The following ZBBX variants were observed in gnomAD, a reference collection of about 807,000 sequenced individuals.
ZBBX encodes the protein zinc finger B-box domain containing.
Under a neutral mutation model 108.5 loss-of-function variants are expected in ZBBX, and 101 were observed. The ratio of observed to expected loss-of-function variants is 0.93; its 90% CI spans 0.79 to 1.10. ZBBX has a LOEUF of 1.10. ZBBX is among the 50% of genes least tolerant of loss of function. The pLI is 0.00. For missense variants in ZBBX, 1,009 were observed against 941.4 expected, an observed-to-expected ratio of 1.07 and a Z score of -0.94; for synonymous variants, 356 against 323.4, an observed-to-expected ratio of 1.10 and a Z score of -1.08.
At chr3:167,397,032 T>C (rs191807041) in intron 1 of ZBBX, among the ~76,000 whole-genome samples, 199 of 151,208 alleles carry the variant, frequency 1.3e-3, no homozygotes, top group African/African-American at 4.7e-3. Flanking sequence ...CTCATTTTTT[T>C]CCCTTTTTTA....
In ZBBX at chr3:167,294,632, T is replaced by C. The variant is rs11132484; in HGVS notation, c.1879+3673A>G. 8.1e-4 allele frequency among the ~76,000 whole-genome samples: 124 copies of C among 152,254 alleles called. 1 individual carries two copies. The highest frequency in any genetic ancestry group is 2.8e-3 in the African/African-American group (118 of 41,546). On this transcript the variant is annotated intron_variant, in intron 18 of 21. Transcript: ENST00000675490. ...GGCAATACCATTCAGGACATAGGCA[T>C]GGGCAAAGGCTTCATGACTAAAACA...
At chr3:167,354,160 G>GT (rs918625786) in intron 8 of ZBBX, among the ~76,000 whole-genome samples, 7 of 151,464 alleles carry the variant, frequency 4.6e-5, no homozygotes, top group African/African-American at 1.5e-4. Context: ...AATATCTTGT[G>GT]TTTTTTTTAA....
chr3:167,246,473 T>C (rs2108331730), intron 20 of ZBBX, among the ~76,000 whole-genome samples: 1 of 152,336 alleles, frequency 6.6e-6, no homozygotes, highest in Middle Eastern at 3.4e-3. Context: ...CAGTATGGCC[T>C]ATTGTCTAGT....
At chr3:167,296,195 C>T in intron 18 of ZBBX, among the ~76,000 whole-genome samples, 1 of 151,794 alleles carries the variant, frequency 6.6e-6, no homozygotes. Flanking sequence ...TTGACAAAAT[C>T]CAACACACTT....
rs1720478659 is a variant in ZBBX, at chr3:167,240,414, A to G, written c.*379T>C. The G allele has an allele frequency of 6.4e-6, 1 of 156,146 alleles. No individual in the cohort carries two copies. The highest frequency in any genetic ancestry group is 1.4e-5 in the Non-Finnish European group (1 of 70,654). The allele number at this position is 156,146 out of a possible 1,614,324, so 9.7% of individuals were successfully genotyped here. A position where few individuals can be genotyped will look rare whatever the true frequency, so the allele number is the denominator to read the frequency against. ...TCAATTGATGATACTAACTAGTGTG[A>G]CTTGGCTGTCAAATGCACACTCTTG... is the stretch of plus-strand genomic sequence containing the variant. On this transcript the variant is annotated 3_prime_UTR_variant, in exon 22 of 22. Transcript: ENST00000675490.
At chr3:167,213,763 T>C in the ZBBX span, among the ~76,000 whole-genome samples, 1 of 152,100 alleles carries the variant, frequency 6.6e-6, no homozygotes, top group African/African-American at 2.4e-5. Context: ...TGAAAGAATG[T>C]TATAAAGGCA....
chr3:167,272,796 T>A (rs536272775), intron 20 of ZBBX, among the ~76,000 whole-genome samples: 4 of 152,168 alleles, frequency 2.6e-5, no homozygotes, highest in African/African-American at 4.8e-5. Flanking sequence ...CCTTAACAAA[T>A]GTAGGAAAAC....
intron 18 of ZBBX, among the ~76,000 whole-genome samples, chr3:167,291,374 C>T: frequency 6.6e-6 from 1 of 151,978 alleles, no homozygotes; most frequent in East Asian, 1.9e-4. Context: ...AGATACCCTA[C>T]AAGCAGAAGA....
chr3:167,260,769 G>A (rs573618616), intron 20 of ZBBX, among the ~76,000 whole-genome samples: 28 of 152,216 alleles, frequency 1.8e-4, no homozygotes, highest in African/African-American at 5.5e-4. Flanking sequence ...ATTAGGCTTC[G>A]CATTTCTCTG....
chr3:167,333,762 A>T (rs1464794811), intron 10 of ZBBX, 65 bp downstream of exon 10: 21 of 1,354,398 alleles, frequency 1.6e-5, no homozygotes. Flanking sequence ...CAAGTTAAGT[A>T]CATGAATGGC....
chr3:167,369,932 G>C (rs1366181044), intron 4 of ZBBX, among the ~76,000 whole-genome samples: 1 of 152,218 alleles, frequency 6.6e-6, no homozygotes, highest in African/African-American at 2.4e-5. Context: ...TCTGTGACCA[G>C]ACATTAAGTG....
chr3:167,260,526 T>A (rs970899609), intron 20 of ZBBX, among the ~76,000 whole-genome samples: 1 of 152,228 alleles, frequency 6.6e-6, no homozygotes, highest in Non-Finnish European at 1.5e-5. Context: ...TGTTCATATT[T>A]TCTTATTCTT....
chr3:167,354,412 G>T (rs1157395810), intron 8 of ZBBX, among the ~76,000 whole-genome samples: 1 of 151,740 alleles, frequency 6.6e-6, no homozygotes, highest in Non-Finnish European at 1.5e-5. Flanking sequence ...AAGAATGCAT[G>T]GTCTGGTATG....
intron 5 of ZBBX, among the ~76,000 whole-genome samples, chr3:167,367,248 T>C (rs1015804983): frequency 6.6e-6 from 1 of 151,826 alleles, no homozygotes; most frequent in Non-Finnish European, 1.5e-5. Context: ...TGGAAGACAA[T>C]TTCTCAATGT....
chr3:167,250,622 C>T (rs989734672), intron 20 of ZBBX, among the ~76,000 whole-genome samples: 5 of 151,766 alleles, frequency 3.3e-5, no homozygotes, highest in African/African-American at 1.2e-4. Flanking sequence ...TGTCTAGGAA[C>T]CCTTAGACCG....
the ZBBX span, among the ~76,000 whole-genome samples, chr3:167,200,066 CTG>C: frequency 1.3e-5 from 2 of 152,106 alleles, no homozygotes; most frequent in African/African-American, 4.8e-5. Flanking sequence ...TCATATGGCT[CTG>C]TGTGTCTGTC....
chr3:167,377,237 T>G (rs1429189578), intron 2 of ZBBX, among the ~76,000 whole-genome samples: 1 of 152,168 alleles, frequency 6.6e-6, no homozygotes, highest in African/African-American at 2.4e-5. Context: ...CAAAACCTAC[T>G]GCCACAGAAT....
chr3:167,373,018 T>G (rs1053415485), intron 3 of ZBBX, 68 bp from the exon 4 acceptor site: 19 of 681,800 alleles, frequency 2.8e-5, no homozygotes, highest in Non-Finnish European at 4.0e-5. Context: ...AATTCAAAAC[T>G]CCATATAATT....
the ZBBX span, among the ~76,000 whole-genome samples, chr3:167,220,693 A>G: frequency 8.6e-5 from 13 of 152,012 alleles, no homozygotes; most frequent in Non-Finnish European, 2.9e-5. Flanking sequence ...CACTTTCACC[A>G]CTCTTAATAA....
Sources: allele counts gnomAD v4.1 joint callset (sites outside exome capture counted in the v4.1 genomes callset), GRCh38; gene constraint gnomAD v4.1.1; transcripts MANE v1.5; gene names NCBI Gene and HGNC (gene_info 2026-07-23, HGNC 2026-07-21).